BROX: variants seen among roughly 807,000 people sequenced by gnomAD.
BROX encodes BRO1 domain and CAAX motif containing.
Under a neutral mutation model 61.0 loss-of-function variants are expected in BROX, and 53 were observed. The observed-to-expected ratio is 0.87, with a 90% CI of 0.70 to 1.09. The LOEUF (loss-of-function observed/expected upper bound fraction) is 1.09, where lower values mean the gene tolerates loss of function less well. Ranked by LOEUF, BROX falls within the 50% of genes least tolerant of loss-of-function variation. BROX has a pLI of 0.00. For synonymous variants in BROX, 152 were observed against 160.2 expected, an observed-to-expected ratio of 0.95 and a Z score of 0.38; for missense variants, 489 against 472.0, an observed-to-expected ratio of 1.04 and a Z score of -0.33.
rs1490768082 is a variant in BROX, at chr1:222,734,199, A to G, written c.*1485A>G. On this transcript the variant is annotated 3_prime_UTR_variant, in exon 13 of 13. Coordinates refer to ENST00000340934, the MANE Select transcript of BROX (RefSeq NM_144695.4). Reference sequence around the variant, plus strand: ...TCCTGAGGCATTAGATAGTTTTTCTATTATAAGTGACAGATTGACTCACTT... The same window carrying G: ...TCCTGAGGCATTAGATAGTTTTTCTGTTATAAGTGACAGATTGACTCACTT... The G allele has an allele frequency of 6.6e-6, 1 of 152,202 alleles. No homozygotes were observed. The highest frequency in any genetic ancestry group is 1.5e-5 in the Non-Finnish European group (1 of 68,022). The allele number at this position is 152,202 out of a possible 1,614,324, so 9.4% of individuals were successfully genotyped here. A position where few individuals can be genotyped will look rare whatever the true frequency, so the allele number is the denominator to read the frequency against.
Position 222,734,959 on chromosome 1 carries a change from A to T in BROX, c.*2245A>T, listed in dbSNP as rs372233473. 2.0e-5 allele frequency: 3 copies of T among 152,362 alleles called. No individual in the cohort carries two copies. The highest frequency in any genetic ancestry group is 3.9e-4 in the East Asian group (2 of 5,182). 9.4% of individuals were successfully genotyped at this position (152,362 alleles called of 1,614,324 possible). A position where few individuals can be genotyped will look rare whatever the true frequency, so the allele number is the denominator to read the frequency against. On this transcript the variant is annotated 3_prime_UTR_variant, in exon 13 of 13. Coordinates refer to ENST00000340934, the MANE Select transcript of BROX (RefSeq NM_144695.4). ...ATTTTGTTGACTCAGCAAAGGTGAC[A>T]CTTTGTGACTAAAGTATCCCATTAT...
intron 9 of BROX, among the ~76,000 whole-genome samples, chr1:222,729,413 A>G (rs971121774): frequency 2.6e-5 from 4 of 152,138 alleles, no homozygotes; most frequent in African/African-American, 9.7e-5. Context: ...ACTTTTTCTC[A>G]GTACATGGTT....
intron 4 of BROX, among the ~76,000 whole-genome samples, chr1:222,721,774 T>C (rs190155861): frequency 2.0e-5 from 3 of 152,262 alleles, no homozygotes; most frequent in Admixed American, 2.0e-4. Flanking sequence ...ACAGTTTGCC[T>C]TCAGCTTGCT....
At position 222,726,406 on chromosome 1, in the gene BROX, A is replaced by G. The variant is rs570875178; in HGVS notation, c.581-762A>G. Among the ~76,000 whole-genome samples, 7 of 152,008 alleles carry G rather than the reference A, an allele frequency of 4.6e-5. No individual in the cohort carries two copies. In the South Asian group the frequency reaches 1.0e-3, roughly 23 times the overall value. On this transcript the variant is annotated intron_variant, in intron 7 of 12. Transcript: ENST00000340934. ...TATGGCAAGACCTCCATCTCTACAA[A>G]AAGTTATTTAAAAAATTAGCCAGTT...
intron 12 of BROX, among the ~76,000 whole-genome samples, chr1:222,731,723 A>T (rs1433860810): frequency 6.6e-6 from 1 of 152,190 alleles, no homozygotes; most frequent in Non-Finnish European, 1.5e-5. Context: ...TTTTCTACAT[A>T]ATGACATTCT....
At chr1:222,726,559 C>G (rs1021546089) in intron 7 of BROX, among the ~76,000 whole-genome samples, 2 of 151,902 alleles carry the variant, frequency 1.3e-5, no homozygotes, top group Non-Finnish European at 2.9e-5. Context: ...TCCACTAAAA[C>G]ATACAAAATT....
At chr1:222,724,041 A>T (rs760014294) in intron 5 of BROX, 51 bp from the exon 6 acceptor site, 1 of 1,318,850 alleles carries the variant, frequency 7.6e-7, no homozygotes, top group Non-Finnish European at 1.1e-6. Context: ...GTTGTGTTTT[A>T]ATACCAGAAA....
intron 8 of BROX, among the ~76,000 whole-genome samples, chr1:222,727,750 C>A (rs1657613886): frequency 6.6e-6 from 1 of 152,134 alleles, no homozygotes; most frequent in Admixed American, 6.5e-5. Context: ...GGGAAGAAGA[C>A]AAACATGTAA....
intron 2 of BROX, chr1:222,718,008 C>T (rs1477752394): frequency 1.3e-5 from 2 of 152,176 alleles, no homozygotes; most frequent in African/African-American, 4.8e-5. Context: ...TAATTGCCTT[C>T]TGGATTCGAT....
At chr1:222,728,856 G>A (rs1052498702) in intron 9 of BROX, 28 bp downstream of exon 9, 1 of 1,477,232 alleles carries the variant, frequency 6.8e-7, no homozygotes, top group Non-Finnish European at 9.3e-7. Context: ...TAAAAACAAT[G>A]TAAATTATTG....
chr1:222,732,420 A>T (rs1658009856), intron 12 of BROX, among the ~76,000 whole-genome samples: 1 of 152,180 alleles, frequency 6.6e-6, no homozygotes, highest in Non-Finnish European at 1.5e-5. Context: ...GTTTTTGCCT[A>T]CCAAACTAGG....
At chr1:222,727,087 C>T in intron 7 of BROX, 81 bp from the exon 8 acceptor site, 5 of 951,016 alleles carry the variant, frequency 5.3e-6, no homozygotes, top group South Asian at 4.3e-5. Context: ...GATTATCAGA[C>T]TGTCTTTTGC....
At chr1:222,728,719 T>G in intron 8 of BROX, 24 bp from the exon 9 acceptor site, 2 of 1,492,808 alleles carry the variant, frequency 1.3e-6, no homozygotes, top group Middle Eastern at 2.1e-4. Context: ...AAATTATATT[T>G]TGCTTTTTAA....
chr1:222,729,827 T>C (rs1657804329), intron 10 of BROX, 126 bp downstream of exon 10: 4 of 1,088,840 alleles, frequency 3.7e-6, no homozygotes, highest in African/African-American at 1.6e-5. Flanking sequence ...GGTGACATAA[T>C]TGGAGAAAAG....
rs145438909 is a variant in BROX, at chr1:222,729,664, C to T, written c.801C>T (p.Cys267=). 1.2e-4 allele frequency: 187 copies of T among 1,612,096 alleles called. No individual in the cohort carries two copies. Among genetic ancestry groups the T allele is most frequent in the Non-Finnish European group, 1.5e-4 (181 of 1,178,764 alleles). ...AGACTTTATTGGCTAGTGATAAATGCGGTGAAGCAATCAGGTCTCTCCAAG... is the reference window on the plus strand; with the variant it reads ...AGACTTTATTGGCTAGTGATAAATGTGGTGAAGCAATCAGGTCTCTCCAAG... ...HGETLLASDK[C]GEAIRSLQEA... is the part of the protein sequence containing the mutation. The change falls in exon 10 of 13, where the codon TGC becomes TGT. Residue 267 remains cysteine, a synonymous_variant. Coordinates refer to ENST00000340934, the MANE Select transcript of BROX (RefSeq NM_144695.4).
In BROX at chr1:222,733,076, CT is replaced by C. The variant is rs1204871063; in HGVS notation, c.*383del. 4.9e-4 allele frequency: 37 copies of C among 75,956 alleles called. No homozygotes were observed. Among genetic ancestry groups the C allele is most frequent in the East Asian group, 1.5e-3 (5 of 3,240 alleles). 4.7% of individuals were successfully genotyped at this position (75,956 alleles called of 1,614,324 possible). A position where few individuals can be genotyped will look rare whatever the true frequency, so the allele number is the denominator to read the frequency against. The stretch of plus-strand genomic sequence containing the variant: ...TTTTTTCTTTTTCTTTTTTTTTTTT[CT>C]TTTTTTTTTTTTTTTTTTTTGAGGT... On this transcript the variant is annotated 3_prime_UTR_variant, in exon 13 of 13. Coordinates refer to ENST00000340934, the MANE Select transcript of BROX (RefSeq NM_144695.4).
At chr1:222,725,045 G>A (rs1001450338) in intron 6 of BROX, among the ~76,000 whole-genome samples, 14 of 152,050 alleles carry the variant, frequency 9.2e-5, no homozygotes, top group African/African-American at 2.2e-4. Flanking sequence ...CACCTGCCTC[G>A]GCCTCCCAAA....
chr1:222,728,960 T>G, intron 9 of BROX, 132 bp downstream of exon 9: 2 of 562,582 alleles, frequency 3.6e-6, no homozygotes, highest in Non-Finnish European at 6.0e-6. Context: ...CAGTAAATGT[T>G]CACTGAGAGT....
At chr1:222,713,774 ATT>A (rs1362157408) in intron 1 of BROX, 1 of 152,240 alleles carries the variant, frequency 6.6e-6, no homozygotes, top group African/African-American at 2.4e-5. Flanking sequence ...GTGTGATATT[ATT>A]TGTAGGCACA....
Sources: allele counts gnomAD v4.1 joint callset (sites outside exome capture counted in the v4.1 genomes callset), GRCh38; gene constraint gnomAD v4.1.1; transcripts MANE v1.5; gene names NCBI Gene and HGNC (gene_info 2026-07-23, HGNC 2026-07-21).